SYTL3: variants seen among roughly 807,000 people sequenced by gnomAD.
The protein encoded by SYTL3 is synaptotagmin-like protein 3.
A neutral mutation model predicts 82.1 loss-of-function variants in SYTL3; 88 were observed. The observed-to-expected ratio is 1.07, with a 90% CI of 0.90 to 1.28. The LOEUF is 1.28. Among genes scored for constraint, SYTL3 ranks in the 50% most tolerant of loss-of-function variants. The pLI is 0.00. For missense variants in SYTL3, 831 were observed against 757.6 expected (o/e 1.10, Z -1.14); for synonymous variants, 311 against 289.4 (o/e 1.07, Z -0.76).
chr6:158,755,905 C>T (rs376794934), intron 13 of SYTL3, among the ~76,000 whole-genome samples: 1 of 152,166 alleles, frequency 6.6e-6, no homozygotes, highest in Non-Finnish European at 1.5e-5. Context: ...CCTGCAGTGT[C>T]GGCTACCAGA....
intron 17 of SYTL3, among the ~76,000 whole-genome samples, chr6:158,764,234 C>T (rs568838922): frequency 6.6e-6 from 1 of 152,216 alleles, no homozygotes; most frequent in African/African-American, 2.4e-5. Flanking sequence ...CCCACCAAAC[C>T]AGAGTCCTCG....
chr6:158,651,342 C>G (rs144388194), intron 1 of SYTL3, among the ~76,000 whole-genome samples: 1 of 152,168 alleles, frequency 6.6e-6, no homozygotes, highest in East Asian at 1.9e-4. Context: ...CCTGTCATCT[C>G]AGCACTTTGG....
chr6:158,737,511 A>G (rs1786336103), intron 11 of SYTL3, among the ~76,000 whole-genome samples: 1 of 152,260 alleles, frequency 6.6e-6, no homozygotes, highest in Admixed American at 6.5e-5. Flanking sequence ...AGTCACTGGC[A>G]GAAGGCTCCC....
chr6:158,728,279 G>C (rs1165040634), intron 11 of SYTL3, among the ~76,000 whole-genome samples: 1 of 151,876 alleles, frequency 6.6e-6, no homozygotes, highest in Admixed American at 6.6e-5. Context: ...ATGGTGTAAG[G>C]TAGAGATTGG....
In SYTL3 at chr6:158,745,483, A is replaced by C. The variant is rs758251872; in HGVS notation, c.859A>C (p.Ser287Arg). 6.2e-7 allele frequency: 1 copy of C among 1,606,806 alleles called. No individual in the cohort carries two copies. The highest frequency in any genetic ancestry group is 1.1e-5 in the South Asian group (1 of 89,244). The change falls in exon 12 of 18, where the codon AGT becomes CGT. Residue 287 changes from serine to arginine, a missense_variant. Coordinates refer to ENST00000611299, the MANE Select transcript of SYTL3 (RefSeq NM_001242394.2). ...TATCTGTTATTCTTGATTTCAGGGA[A>C]GTTTAATTAGCATTGACAGCACCTG... ...TIFSGGFRHG[S>R]LISIDSTCTE...
intron 11 of SYTL3, among the ~76,000 whole-genome samples, chr6:158,731,283 C>CAA (rs59185658): frequency 1.5e-4 from 22 of 149,060 alleles, no homozygotes; most frequent in African/African-American, 4.4e-4. Context: ...AACTCCATCT[C>CAA]AAAAAAAAAC....
intron 11 of SYTL3, among the ~76,000 whole-genome samples, chr6:158,730,891 C>T (rs927601898): frequency 7.2e-4 from 109 of 152,134 alleles, no homozygotes; most frequent in African/African-American, 2.5e-3. Flanking sequence ...CGGGGTGGGG[C>T]GGTGAAGTAT....
At chr6:158,678,544 G>A (rs1203596811) in intron 5 of SYTL3, among the ~76,000 whole-genome samples, 1 of 152,166 alleles carries the variant, frequency 6.6e-6, no homozygotes, top group Non-Finnish European at 1.5e-5. Flanking sequence ...CTTATTGAAC[G>A]TTTGTGTGCT....
chr6:158,730,879 G>A (rs1293520326), intron 11 of SYTL3, among the ~76,000 whole-genome samples: 1 of 152,204 alleles, frequency 6.6e-6, no homozygotes, highest in Non-Finnish European at 1.5e-5. Flanking sequence ...CAGGGGGCGG[G>A]TCGGGGTGGG....
Position 158,760,691 on chromosome 6 carries a change from CG to C in SYTL3, c.1363del (p.Ala455LeufsTer31). 5.6e-6 allele frequency: 9 copies of C among 1,614,082 alleles called. No homozygotes were observed. The highest frequency in any genetic ancestry group is 7.6e-6 in the Non-Finnish European group (9 of 1,180,000). ...VPQSNGELTV[R>X]AKLVLPSRPR... ...TCAGAGTAATGGAGAGCTCACAGTCCGGGCTAAGCTGGTTCTCCCTTCACGG... is the reference window on the plus strand; with the variant it reads ...TCAGAGTAATGGAGAGCTCACAGTCCGGCTAAGCTGGTTCTCCCTTCACGG... On this transcript the variant is annotated frameshift_variant, in exon 15 of 18. Coordinates refer to ENST00000611299, the MANE Select transcript of SYTL3 (RefSeq NM_001242394.2). LOFTEE classifies it high-confidence loss of function.
intron 11 of SYTL3, among the ~76,000 whole-genome samples, chr6:158,744,459 C>T (rs1375996701): frequency 6.6e-6 from 1 of 151,760 alleles, no homozygotes; most frequent in African/African-American, 2.4e-5. Flanking sequence ...GCTGGGACGC[C>T]ACCATGCCTG....
chr6:158,723,944 G>A (rs1316646478), intron 10 of SYTL3, among the ~76,000 whole-genome samples: 3 of 152,342 alleles, frequency 2.0e-5, no homozygotes, highest in East Asian at 3.9e-4. Flanking sequence ...GGTCTAGGAC[G>A]TGCTTTCTGT....
intron 7 of SYTL3, among the ~76,000 whole-genome samples, chr6:158,707,922 G>T (rs1782287518): frequency 1.3e-5 from 2 of 152,030 alleles, no homozygotes; most frequent in Non-Finnish European, 2.9e-5. Flanking sequence ...CTTCCAGTTT[G>T]CTTCGTGGTT....
intron 6 of SYTL3, among the ~76,000 whole-genome samples, chr6:158,685,014 C>T (rs1430986444): frequency 1.3e-5 from 2 of 152,004 alleles, no homozygotes; most frequent in Admixed American, 6.6e-5. Flanking sequence ...GCTACCATAA[C>T]CTTTTGATAT....
intron 10 of SYTL3, among the ~76,000 whole-genome samples, chr6:158,719,814 G>A (rs989735765): frequency 6.6e-6 from 1 of 152,240 alleles, no homozygotes; most frequent in Non-Finnish European, 1.5e-5. Context: ...GATCGGCCGA[G>A]CCTGGTGGCT....
chr6:158,657,716 C>T (rs1788859507), intron 2 of SYTL3, among the ~76,000 whole-genome samples: 3 of 152,112 alleles, frequency 2.0e-5, no homozygotes, highest in Admixed American at 6.5e-5. Context: ...ATATTAAGGA[C>T]ATTGTCTGCA....
intron 11 of SYTL3, among the ~76,000 whole-genome samples, chr6:158,733,789 T>G (rs1027206450): frequency 6.6e-6 from 1 of 151,754 alleles, no homozygotes; most frequent in African/African-American, 2.4e-5. Context: ...CTCTCGCCAT[T>G]GTTCCATCTC....
chr6:158,695,878 A>C (rs1038679469), intron 6 of SYTL3, among the ~76,000 whole-genome samples: 7 of 152,198 alleles, frequency 4.6e-5, no homozygotes, highest in African/African-American at 1.7e-4. Flanking sequence ...TTTGTGGATG[A>C]ATAGTATTCT....
intron 6 of SYTL3, among the ~76,000 whole-genome samples, chr6:158,687,725 C>T (rs920221177): frequency 1.1e-4 from 16 of 142,598 alleles, no homozygotes; most frequent in Non-Finnish European, 2.1e-4. Context: ...TTCATTCTCA[C>T]TTCCAACGTA....
Sources: gnomAD v4.1 joint callset for allele counts (sites outside exome capture counted in the v4.1 genomes callset) on GRCh38, gnomAD v4.1.1 for gene constraint, MANE v1.5 for transcripts, NCBI Gene and HGNC (gene_info 2026-07-23, HGNC 2026-07-21) for gene names.